Variants in ZNF236 observed in about 807,000 individuals in gnomAD.
The protein encoded by ZNF236 is regulated by glucose.
A neutral mutation model predicts 191.2 loss-of-function variants in ZNF236; 50 were observed. The observed-to-expected ratio is 0.26, with a 90% CI of 0.21 to 0.33. The LOEUF (loss-of-function observed/expected upper bound fraction) is 0.33. Among genes scored for constraint, ZNF236 ranks in the 10% least tolerant of loss-of-function variants. The pLI is 1.00. For synonymous variants in ZNF236, 907 were observed against 928.8 expected (o/e 0.98, Z 0.43); for missense variants, 1,754 against 2,374.5 (o/e 0.74, Z 5.43).
chr18:76,899,533 G>A (rs1042165879), intron 11 of ZNF236, among the ~76,000 whole-genome samples: 1 of 152,224 alleles, frequency 6.6e-6, no homozygotes, highest in African/African-American at 2.4e-5. Context: ...ACCATCAAAA[G>A]TGAGAAGGGG....
rs1351902029 is a variant in ZNF236 at position 76,881,436 on chromosome 18, A to T, written c.1341A>T (p.Glu447Asp). 1.2e-6 allele frequency: 2 copies of T among 1,614,054 alleles called. No homozygotes were observed. Among genetic ancestry groups the T allele is most frequent in the Non-Finnish European group, 1.7e-6 (2 of 1,180,034 alleles). ...CGGACCCCACAGACGCAGAGCAAGA[A>T]AAAGAACAGGAAAGCCCGGAGAAAC... ...EQTDPTDAEQ[E>D]KEQESPEKLD... Residue 447 changes from glutamate to aspartate, a missense_variant, in exon 9 of 31, where the codon GAA (glutamate) becomes GAT (aspartate). Coordinates refer to ENST00000320610, the MANE Select transcript of ZNF236 (RefSeq NM_001306089.2).
intron 1 of ZNF236, among the ~76,000 whole-genome samples, chr18:76,827,474 C>T (rs557564387): frequency 1.3e-5 from 2 of 152,178 alleles, no homozygotes; most frequent in African/African-American, 2.4e-5. Context: ...TATGAGCCAC[C>T]GTGCCTGGCT....
chr18:76,895,289 T>C lies in ZNF236; in HGVS notation c.1690+4T>C. On this transcript the variant is annotated splice_donor_region_variant and intron_variant, in intron 10 of 30. Coordinates refer to ENST00000320610, the MANE Select transcript of ZNF236 (RefSeq NM_001306089.2). ...GTGCACATTCGCCTGCACACAGGTA[T>C]GGCCTCAGGGCTGGGCCCACACGGG... 1 of 1,598,448 alleles carries C rather than the reference T, an allele frequency of 6.3e-7. No homozygotes were observed. Among genetic ancestry groups the C allele is most frequent in the Non-Finnish European group, 8.5e-7 (1 of 1,179,128 alleles).
intron 5 of ZNF236, among the ~76,000 whole-genome samples, chr18:76,874,496 A>G (rs994334026): frequency 6.6e-6 from 1 of 152,070 alleles, no homozygotes; most frequent in South Asian, 2.1e-4. Context: ...GCCGCAGCGC[A>G]CAAGCACTTG....
intron 1 of ZNF236, among the ~76,000 whole-genome samples, chr18:76,843,261 G>A (rs1472558991): frequency 6.6e-6 from 1 of 151,956 alleles, no homozygotes; most frequent in Non-Finnish European, 1.5e-5. Flanking sequence ...CAGACAACTG[G>A]GAAGAGGTTA....
chr18:76,957,344 T>TACAATAC (rs1968548130), intron 28 of ZNF236, among the ~76,000 whole-genome samples: 1 of 152,046 alleles, frequency 6.6e-6, no homozygotes, highest in African/African-American at 2.4e-5. Flanking sequence ...AGGCCAGTGG[T>TACAATAC]GTCAGCAGTG....
chr18:76,884,662 T>C (rs1255390559), intron 9 of ZNF236, among the ~76,000 whole-genome samples: 1 of 152,182 alleles, frequency 6.6e-6, no homozygotes, highest in Non-Finnish European at 1.5e-5. Context: ...TGGGCTGTAA[T>C]TGGCTGGCAT....
chr18:76,928,569 A>G (rs896502055), intron 25 of ZNF236, among the ~76,000 whole-genome samples: 21 of 152,206 alleles, frequency 1.4e-4, no homozygotes, highest in African/African-American at 4.6e-4. Context: ...AAAAGTAGAT[A>G]AACGGGTAGG....
At chr18:76,949,488 T>C (rs1968352047) in intron 27 of ZNF236, among the ~76,000 whole-genome samples, 1 of 152,166 alleles carries the variant, frequency 6.6e-6, no homozygotes, top group African/African-American at 2.4e-5. Context: ...CCAATCTGTA[T>C]GAGTGAATAC....
At chr18:76,881,228 G>A (rs1472979861) in intron 8 of ZNF236, 56 bp from the exon 9 acceptor site, 3 of 1,466,100 alleles carry the variant, frequency 2.0e-6, no homozygotes, top group Non-Finnish European at 2.8e-6. Flanking sequence ...ACTGATTTTG[G>A]TAGGCAGAGT....
At position 76,892,645 on chromosome 18, in the gene ZNF236, A is replaced by G. The variant is rs1450003287; in HGVS notation, c.1418-2368A>G. 2.6e-5 allele frequency among the ~76,000 whole-genome samples: 4 copies of G among 152,144 alleles called. No homozygotes were observed. In the East Asian group the frequency reaches 7.7e-4, roughly 29 times the overall value. ...TGCAATGGTGCAGTCTTGGCTCACCATAACCTCTGCCTCCCGGGTTCAAGT... is the reference window on the plus strand; with the variant it reads ...TGCAATGGTGCAGTCTTGGCTCACCGTAACCTCTGCCTCCCGGGTTCAAGT... On this transcript the variant is annotated intron_variant, in intron 9 of 30. Transcript: ENST00000320610.
chr18:76,900,193 G>T (rs1289546726), intron 11 of ZNF236, among the ~76,000 whole-genome samples: 2 of 152,018 alleles, frequency 1.3e-5, no homozygotes, highest in East Asian at 1.9e-4. Context: ...GTAAATTATT[G>T]TATAGAGAGA....
intron 1 of ZNF236, among the ~76,000 whole-genome samples, chr18:76,837,127 T>TTCCC (rs1975355189): frequency 2.7e-5 from 1 of 37,066 alleles, no homozygotes; most frequent in Non-Finnish European, 4.9e-5. Flanking sequence ...CCGCACCCCC[T>TTCCC]CCCCCCCCCC....
At chr18:76,825,073 T>C (rs1384513830) in intron 1 of ZNF236, among the ~76,000 whole-genome samples, 1 of 152,258 alleles carries the variant, frequency 6.6e-6, no homozygotes, top group Non-Finnish European at 1.5e-5. Context: ...CTCTTCTCTC[T>C]TTCCTTGCTC....
rs753202644 is a variant in ZNF236 at position 76,880,366 on chromosome 18, A to G, written c.1188+50A>G. ...GAGGCTTACGTGCTCGTGCTGGGTC[A>G]GAAACCAGGGATGATAATTGAGAAT... On this transcript the variant is annotated intron_variant, in intron 8 of 30. Coordinates refer to ENST00000320610, the MANE Select transcript of ZNF236 (RefSeq NM_001306089.2). This position sits in a 1 kb window ranked among gnomAD's most constrained non-coding sequence, Gnocchi z 5.0. The G allele has an allele frequency of 2.6e-6, 4 of 1,530,742 alleles. No homozygotes were observed. The highest frequency in any genetic ancestry group is 3.5e-6 in the Non-Finnish European group (4 of 1,128,452). The allele number at this position is 1,530,742 out of a possible 1,614,324, so 94.8% of individuals were successfully genotyped here. A position where few individuals can be genotyped will look rare whatever the true frequency, so the allele number is the denominator to read the frequency against.
In ZNF236 at chr18:76,972,572, C is replaced by T. The variant is rs1471912898; in HGVS notation, c.*4233C>T. Among the ~76,000 whole-genome samples, 1 of 152,196 alleles carries T rather than the reference C, an allele frequency of 6.6e-6. No homozygotes were observed. Among genetic ancestry groups the T allele is most frequent in the Admixed American group, 6.5e-5 (1 of 15,276 alleles). ...AGATTAGTATGAATGGCAGGAGCAA[C>T]AGGCAGTCAGAAGAGATTTTTCTAT... is the stretch of plus-strand genomic sequence containing the variant. On this transcript the variant is annotated 3_prime_UTR_variant, in exon 31 of 31. Transcript: ENST00000320610.
intron 1 of ZNF236, among the ~76,000 whole-genome samples, chr18:76,845,349 C>T (rs1270930320): frequency 2.0e-5 from 3 of 152,154 alleles, no homozygotes; most frequent in Admixed American, 6.5e-5. Context: ...GTGACCTACC[C>T]TCTGTCTTCT....
intron 30 of ZNF236, among the ~76,000 whole-genome samples, chr18:76,963,417 A>T (rs1968707222): frequency 6.6e-6 from 1 of 152,208 alleles, no homozygotes; most frequent in African/African-American, 2.4e-5. Flanking sequence ...CATCCCTGGT[A>T]TGAAACCCAC....
At position 76,870,848 on chromosome 18, in the gene ZNF236, T is replaced by C. The variant is rs142034624; in HGVS notation, c.543-853T>C. 9.2e-3 allele frequency among the ~76,000 whole-genome samples: 1,398 copies of C among 152,214 alleles called. 25 individuals carry two copies. The highest frequency in any genetic ancestry group is 0.029 in the African/African-American group (1,216 of 41,512). ...GTGAGGAGAGCCTGCCCGGCGGGGC[T>C]GCGGATGTGCATTTCCCATGAGTGA... On this transcript the variant is annotated intron_variant, in intron 4 of 30. Transcript: ENST00000320610.
Sources: allele counts gnomAD v4.1 joint callset (sites outside exome capture counted in the v4.1 genomes callset), GRCh38; gene constraint gnomAD v4.1.1; non-coding constraint Gnocchi (gnomAD v3.1); transcripts MANE v1.5; gene names NCBI Gene and HGNC (gene_info 2026-07-23, HGNC 2026-07-21).